Variants in STK26 observed in about 807,000 individuals in gnomAD.
STK26 encodes serine/threonine-protein kinase 26.
Under a neutral mutation model 34.7 loss-of-function variants are expected in STK26, and 14 were observed. The ratio of observed to expected loss-of-function variants is 0.40; its 90% CI spans 0.27 to 0.63. The LOEUF (loss-of-function observed/expected upper bound fraction) is 0.63, where lower values mean the gene tolerates loss of function less well. Ranked by LOEUF, STK26 falls within the 30% of genes least tolerant of loss-of-function variation. The probability of loss-of-function intolerance (pLI) is 0.38; values close to 1 mark genes in which losing one functional copy is unlikely to be tolerated. For missense variants in STK26, 226 were observed against 309.1 expected, an observed-to-expected ratio of 0.73 and a Z score of 2.02; for synonymous variants, 100 against 109.8, an observed-to-expected ratio of 0.91 and a Z score of 0.56.
chrX:132,067,983 T>G (rs1337342160), intron 4 of STK26, among the ~76,000 whole-genome samples: 1 of 111,729 alleles, frequency 9.0e-6, no homozygotes, highest in Non-Finnish European at 1.9e-5. Flanking sequence ...GGGCTCGTAT[T>G]ATCTTTCATT....
At chrX:132,070,402 G>A (rs1927378015) in intron 7 of STK26, among the ~76,000 whole-genome samples, 1 of 112,085 alleles carries the variant, frequency 8.9e-6, no homozygotes, top group Non-Finnish European at 1.9e-5. Context: ...AGGCTAGTGA[G>A]CTCCATTCAT....
intron 2 of STK26, among the ~76,000 whole-genome samples, chrX:132,034,479 T>G (rs923484306): frequency 9.3e-6 from 1 of 107,558 alleles, no homozygotes; most frequent in African/African-American, 3.4e-5. Flanking sequence ...GCTAACTTTT[T>G]GTATTTTTAG....
At chrX:132,028,288 C>G (rs1249208830) in intron 2 of STK26, among the ~76,000 whole-genome samples, 2 of 110,600 alleles carry the variant, frequency 1.8e-5, no homozygotes, top group African/African-American at 6.6e-5. Flanking sequence ...TAATAATTAG[C>G]TAGTTTCAGA....
rs186277622 is a variant in STK26, at chrX:132,047,088, A to G, written c.43-7543A>G. On this transcript the variant is annotated intron_variant, in intron 2 of 11. Transcript: ENST00000394334. The stretch of plus-strand genomic sequence containing the variant: ...AAATTCTTCATGTTTAATTTGAAAC[A>G]TATACAGACATACTTAATTTTTATC... 6.0e-3 allele frequency among the ~76,000 whole-genome samples: 673 copies of G among 112,324 alleles called. 4 individuals are homozygous for G. Among genetic ancestry groups the G allele is most frequent in the African/African-American group, 0.02 (632 of 31,001 alleles).
chrX:132,074,558 CT>C lies in STK26; in HGVS notation c.*409del, dbSNP rs766456813. The C allele has an allele frequency of 8.0e-3, 903 of 113,554 alleles. 7 individuals are homozygous for C. Among genetic ancestry groups the C allele is most frequent in the African/African-American group, 0.021 (626 of 30,044 alleles). The allele number at this position is 113,554 out of a possible 1,213,427, so 9.4% of individuals were successfully genotyped here. On this transcript the variant is annotated 3_prime_UTR_variant, in exon 12 of 12. Coordinates refer to ENST00000394334, the MANE Select transcript of STK26 (RefSeq NM_016542.4). ...TTGTAAATTATCAAGCTTCAAAAAG[CT>C]TTTTTTTTTAAAAAAAAACATGCAT...
intron 4 of STK26, among the ~76,000 whole-genome samples, chrX:132,066,728 C>T (rs977829094): frequency 1.8e-5 from 2 of 111,940 alleles, no homozygotes; most frequent in Non-Finnish European, 3.8e-5. Flanking sequence ...TTTTTAAAAA[C>T]TTCTGTATTA....
At position 132,068,917 on chromosome X, in the gene STK26, G is replaced by A. The variant is rs1012915214; in HGVS notation, c.597+348G>A. ...GCCTCATGGTTGTTCCTCAAACATAGCAAGTACACCCTGGCCTCAGGACCT... is the reference window on the plus strand; with the variant it reads ...GCCTCATGGTTGTTCCTCAAACATAACAAGTACACCCTGGCCTCAGGACCT... On this transcript the variant is annotated intron_variant, in intron 6 of 11. Transcript: ENST00000394334. 3.6e-5 allele frequency among the ~76,000 whole-genome samples: 4 copies of A among 110,517 alleles called. No homozygotes were observed. The Admixed American group carries it at 3.8e-4, about 11-fold the overall frequency.
At chrX:132,040,630 T>C (rs1926229625) in intron 2 of STK26, among the ~76,000 whole-genome samples, 1 of 111,736 alleles carries the variant, frequency 8.9e-6, no homozygotes, top group Non-Finnish European at 1.9e-5. Context: ...GAGGCTTAAT[T>C]GCTTTTATCA....
In STK26 at chrX:132,074,244, G is replaced by A; in HGVS notation, c.*85G>A. On this transcript the variant is annotated 3_prime_UTR_variant, in exon 12 of 12. Coordinates refer to ENST00000394334, the MANE Select transcript of STK26 (RefSeq NM_016542.4). ...AAGATTAACAATGCTTAACCCATGA[G>A]CTCCATGTGCCTTTTGGATCTTTGC... is the stretch of plus-strand genomic sequence containing the variant. 2 of 944,619 alleles carry A rather than the reference G, an allele frequency of 2.1e-6. No homozygotes were observed. Among genetic ancestry groups the A allele is most frequent in the Non-Finnish European group, 2.9e-6 (2 of 683,199 alleles). The allele number at this position is 944,619 out of a possible 1,213,427, so 77.8% of individuals were successfully genotyped here.
intron 3 of STK26, chrX:132,055,546 G>C (rs1926829171): frequency 6.3e-6 from 7 of 1,105,423 alleles, no homozygotes; most frequent in Non-Finnish European, 8.4e-6. Flanking sequence ...GTGGTCCTTG[G>C]GTTCCAGAGT....
At chrX:132,062,554 G>A (rs1460074984) in intron 3 of STK26, among the ~76,000 whole-genome samples, 2 of 111,189 alleles carry the variant, frequency 1.8e-5, no homozygotes, top group Non-Finnish European at 3.8e-5. Flanking sequence ...TTCTTTCTAG[G>A]TTCCGTGTGT....
At chrX:132,046,883 T>C (rs1010932850) in intron 2 of STK26, among the ~76,000 whole-genome samples, 1 of 112,364 alleles carries the variant, frequency 8.9e-6, no homozygotes, top group African/African-American at 3.2e-5. Context: ...ACTGCTACTT[T>C]ATGTTGCAAA....
rs1239348663 is a variant in STK26, at chrX:132,044,738, GAGATCTATATATATATTTATATATATAT to G, written c.43-9889_43-9862del. 2.0e-3 allele frequency among the ~76,000 whole-genome samples: 133 copies of G among 67,311 alleles called. 10 individuals are homozygous for G. The highest frequency in any genetic ancestry group is 6.8e-3 in the African/African-American group (107 of 15,682). 58.5% of individuals were successfully genotyped at this position (67,311 alleles called of 115,157 possible). Reference sequence around the variant, plus strand: ...ATATATATATTTATATATATATAGAGAGATCTATATATATATTTATATATATATAGAGAGATCTATATATATATTTATA... The same window carrying G: ...ATATATATATTTATATATATATAGAGAGAGAGATCTATATATATATTTATA... On this transcript the variant is annotated intron_variant, in intron 2 of 11. Transcript: ENST00000394334.
Position 132,054,787 on chromosome X carries a change from A to G in STK26, c.199A>G (p.Ile67Val). ...LEEAEDEIED[I>V]QQEITVLSQC... ...GGAAGCCGAAGATGAAATAGAAGAC[A>G]TTCAGCAAGAAATAACTGTCTTGAG... The change falls in exon 3 of 12, where the codon ATT (isoleucine) becomes GTT (valine). Residue 67 changes from isoleucine (I) to valine (V), a missense_variant. This residue lies in a region of STK26 where 100 missense variants were observed against 176.7 expected (regional missense o/e 0.57). Coordinates refer to ENST00000394334, the MANE Select transcript of STK26 (RefSeq NM_016542.4). The G allele has an allele frequency of 8.3e-7, 1 of 1,211,901 alleles. No individual in the cohort carries two copies. The highest frequency in any genetic ancestry group is 1.1e-6 in the Non-Finnish European group (1 of 895,405).
Position 132,072,793 on chromosome X carries a change from T to C in STK26, c.1027-20T>C. ...ACTTATTTTAATTTCATGTGTATAA[T>C]CTATATTATTTGTTCAAAGGAGCAA... On this transcript the variant is annotated intron_variant, in intron 9 of 11. Transcript: ENST00000394334. 1 of 1,191,045 alleles carries C rather than the reference T, an allele frequency of 8.4e-7. No homozygotes were observed. The highest frequency in any genetic ancestry group is 1.1e-6 in the Non-Finnish European group (1 of 877,396).
At chrX:132,072,914 G>A (rs1382050419) in intron 10 of STK26, 39 bp downstream of exon 10, 11 of 1,204,196 alleles carry the variant, frequency 9.1e-6, no homozygotes, top group Non-Finnish European at 1.2e-5. Flanking sequence ...TCTGTGTTAA[G>A]TAGTATAATA....
chrX:132,064,960 T>C (rs1927171001), intron 4 of STK26, among the ~76,000 whole-genome samples: 2 of 111,946 alleles, frequency 1.8e-5, no homozygotes, highest in Non-Finnish European at 3.8e-5. Context: ...TAAGAGATTT[T>C]CTTTCCTTTA....
intron 1 of STK26, 37 bp from the exon 2 acceptor site, chrX:132,023,471 G>A: frequency 1.3e-6 from 1 of 750,241 alleles, no homozygotes; most frequent in Non-Finnish European, 2.0e-6. Flanking sequence ...GCTACGCGCC[G>A]CCAGCCCAGT....
chrX:132,035,438 T>G (rs1341811883), intron 2 of STK26, among the ~76,000 whole-genome samples: 1 of 110,855 alleles, frequency 9.0e-6, no homozygotes, highest in Non-Finnish European at 1.9e-5. Flanking sequence ...TGTTATATAA[T>G]TTTATTATAA....
Sources: gnomAD v4.1 joint callset for allele counts (sites outside exome capture counted in the v4.1 genomes callset) on GRCh38, gnomAD v4.1.1 for gene constraint, gnomAD v4.1.1 regional missense constraint, MANE v1.5 for transcripts, NCBI Gene and HGNC (gene_info 2026-07-23, HGNC 2026-07-21) for gene names.